Variants in CSMD1 observed in about 807,000 individuals in gnomAD.
CSMD1 encodes CUB and Sushi multiple domains 1.
CSMD1 carries 213 observed loss-of-function variants against 417.5 expected under a neutral mutation model. The observed-to-expected ratio is 0.51, with a 90% CI of 0.46 to 0.57. CSMD1 has a LOEUF of 0.57. Among genes scored for constraint, CSMD1 ranks in the 20% least tolerant of loss-of-function variants. The probability of loss-of-function intolerance (pLI) is 0.00; values close to 1 mark genes in which losing one functional copy is unlikely to be tolerated. For missense variants in CSMD1, 6,923 were observed against 4,529.7 expected (o/e 1.53, Z -15.17); for synonymous variants, 2,862 against 1,736.8 (o/e 1.65, Z -16.11).
chr8:4,251,914 G>C (rs1452652437), intron 3 of CSMD1, among the ~76,000 whole-genome samples: 1 of 151,042 alleles, frequency 6.6e-6, no homozygotes, highest in African/African-American at 2.4e-5. Flanking sequence ...GGAGGATAAT[G>C]TGGGAATGGG....
intron 23 of CSMD1, among the ~76,000 whole-genome samples, chr8:3,311,043 A>T (rs1805302997): frequency 6.6e-6 from 1 of 152,126 alleles, no homozygotes; most frequent in Non-Finnish European, 1.5e-5. Context: ...ACGTCCCAAT[A>T]AACCCATTAA....
At chr8:3,339,576 T>C (rs1044124898) in intron 23 of CSMD1, among the ~76,000 whole-genome samples, 7 of 152,344 alleles carry the variant, frequency 4.6e-5, no homozygotes, top group African/African-American at 1.7e-4. Flanking sequence ...AGCTGGTCCA[T>C]GTACCGGAAA....
intron 2 of CSMD1, among the ~76,000 whole-genome samples, chr8:4,532,258 C>G (rs1217871220): frequency 6.7e-6 from 1 of 149,418 alleles, no homozygotes; most frequent in Non-Finnish European, 1.5e-5. Context: ...CACCCCCATT[C>G]ACAGTCACTC....
rs79712615 is a variant in CSMD1 at position 4,308,983 on chromosome 8, C to G, written c.415+110970G>C. On this transcript the variant is annotated intron_variant, in intron 3 of 69. Transcript: ENST00000635120. Reference sequence around the variant, plus strand: ...TGTAACCTTCTGACATAATGTTGAACTAATTCCTAAAACTAGGTGAGAAAA... The same window carrying G: ...TGTAACCTTCTGACATAATGTTGAAGTAATTCCTAAAACTAGGTGAGAAAA... Among the ~76,000 whole-genome samples the G allele has an allele frequency of 2.4e-3, 368 of 152,242 alleles. 1 individual carries two copies. The highest frequency in any genetic ancestry group is 8.3e-3 in the African/African-American group (346 of 41,542).
At chr8:4,932,715 C>A (rs1001098909) in intron 1 of CSMD1, among the ~76,000 whole-genome samples, 1 of 152,174 alleles carries the variant, frequency 6.6e-6, no homozygotes, top group Admixed American at 6.5e-5. Flanking sequence ...TGTGCTGGCA[C>A]AGAAGTGATC....
At chr8:4,150,457 G>A (rs886419223) in intron 3 of CSMD1, among the ~76,000 whole-genome samples, 4 of 152,144 alleles carry the variant, frequency 2.6e-5, no homozygotes, top group Non-Finnish European at 5.9e-5. Flanking sequence ...TTTTACCGGG[G>A]CTTAGAACTT....
intron 50 of CSMD1, among the ~76,000 whole-genome samples, chr8:3,047,213 CAAAAAAAAAAAAA>C (rs749861179): frequency 0.084 from 6,131 of 73,360 alleles, 238 homozygotes; most frequent in Non-Finnish European, 0.11. Context: ...GACTCCCTCT[CAAAAAAAAAAAAA>C]AAAAAAAAAA....
intron 6 of CSMD1, among the ~76,000 whole-genome samples, chr8:3,724,632 C>G (rs888191993): frequency 6.6e-6 from 1 of 152,028 alleles, no homozygotes; most frequent in South Asian, 2.1e-4. Flanking sequence ...TCCCAGTATG[C>G]AGGAAGGACA....
rs193267890 is a variant in CSMD1 at position 3,511,330 on chromosome 8, G to C, written c.1345-17604C>G. On this transcript the variant is annotated intron_variant, in intron 10 of 69. Coordinates refer to ENST00000635120, the MANE Select transcript of CSMD1 (RefSeq NM_033225.6). ...ACCACAATGGCATGTGTATACCTAT[G>C]TAACAAACCTGCACGTTCTGCACAT... Among the ~76,000 whole-genome samples, 3 of 151,548 alleles carry C rather than the reference G, an allele frequency of 2.0e-5. No individual in the cohort carries two copies. The East Asian group carries it at 5.8e-4, about 29-fold the overall frequency.
At chr8:4,613,511 C>G (rs1162924271) in intron 2 of CSMD1, among the ~76,000 whole-genome samples, 1 of 152,196 alleles carries the variant, frequency 6.6e-6, no homozygotes, top group Admixed American at 6.5e-5. Context: ...GTGTGGCAGG[C>G]TCTCATCAGA....
At chr8:3,644,139 A>T (rs576662946) in intron 7 of CSMD1, among the ~76,000 whole-genome samples, 1 of 152,308 alleles carries the variant, frequency 6.6e-6, no homozygotes, top group South Asian at 2.1e-4. Flanking sequence ...TTATCAATGC[A>T]AATTTTCAAA....
At chr8:4,872,338 C>A in intron 1 of CSMD1, among the ~76,000 whole-genome samples, 1 of 152,026 alleles carries the variant, frequency 6.6e-6, no homozygotes, top group Non-Finnish European at 1.5e-5. Context: ...CCATCATCTC[C>A]ACATGTCAAG....
At chr8:4,506,485 T>A (rs1802533668) in intron 2 of CSMD1, among the ~76,000 whole-genome samples, 1 of 152,076 alleles carries the variant, frequency 6.6e-6, no homozygotes, top group Non-Finnish European at 1.5e-5. Flanking sequence ...CAGCCCCTCT[T>A]CATTCAGAAA....
intron 3 of CSMD1, among the ~76,000 whole-genome samples, chr8:4,201,685 T>C: frequency 6.6e-6 from 1 of 151,986 alleles, no homozygotes; most frequent in Non-Finnish European, 1.5e-5. Flanking sequence ...ACTCAAGTGT[T>C]ATACCTATGT....
chr8:4,349,582 T>C (rs1246111073), intron 3 of CSMD1, among the ~76,000 whole-genome samples: 2 of 152,166 alleles, frequency 1.3e-5, no homozygotes, highest in African/African-American at 2.4e-5. Flanking sequence ...GCTTCAACAT[T>C]TAGCAACCAA....
rs75087943 is a variant in CSMD1, at chr8:4,427,997, A to G, written c.303-7932T>C. ...TGTGACACCTCATTGGCCCAGTAGTAAAGATATTCCAAGTAGCTACTGTAC... is the reference window on the plus strand; with the variant it reads ...TGTGACACCTCATTGGCCCAGTAGTGAAGATATTCCAAGTAGCTACTGTAC... On this transcript the variant is annotated intron_variant, in intron 2 of 69. Coordinates refer to ENST00000635120, the MANE Select transcript of CSMD1 (RefSeq NM_033225.6). 4.1e-3 allele frequency among the ~76,000 whole-genome samples: 619 copies of G among 152,296 alleles called. 4 individuals carry two copies. Among genetic ancestry groups the G allele is most frequent in the African/African-American group, 0.014 (584 of 41,566 alleles).
At chr8:3,526,583 T>C (rs1333555589) in intron 10 of CSMD1, among the ~76,000 whole-genome samples, 2 of 152,186 alleles carry the variant, frequency 1.3e-5, no homozygotes, top group South Asian at 2.1e-4. Flanking sequence ...CCTGTGTTTA[T>C]TCTAGGGCAA....
At chr8:4,081,357 T>G (rs553686547) in intron 3 of CSMD1, among the ~76,000 whole-genome samples, 1 of 152,294 alleles carries the variant, frequency 6.6e-6, no homozygotes, top group Non-Finnish European at 1.5e-5. Flanking sequence ...CAGGGTATTG[T>G]GTGAATTACA....
intron 1 of CSMD1, among the ~76,000 whole-genome samples, chr8:4,986,474 T>G (rs1011367144): frequency 1.3e-5 from 2 of 152,228 alleles, no homozygotes; most frequent in African/African-American, 4.8e-5. Context: ...GCCTGCAATT[T>G]ATAATTAATT....
Sources: allele counts gnomAD v4.1 joint callset (sites outside exome capture counted in the v4.1 genomes callset), GRCh38; gene constraint gnomAD v4.1.1; transcripts MANE v1.5; gene names NCBI Gene and HGNC (gene_info 2026-07-23, HGNC 2026-07-21).